The following AP3B1 variants were observed in gnomAD, a reference collection of about 807,000 sequenced individuals.
AP3B1 encodes adaptor related protein complex 3 subunit beta 1.
AP3B1 carries 61 observed loss-of-function variants against 132.5 expected under a neutral mutation model. The ratio of observed to expected loss-of-function variants is 0.46; its 90% CI spans 0.37 to 0.57. The LOEUF (loss-of-function observed/expected upper bound fraction) is 0.57. Among genes scored for constraint, AP3B1 ranks in the 20% least tolerant of loss-of-function variants. The pLI is 0.00. For synonymous variants in AP3B1, 388 were observed against 438.3 expected, an observed-to-expected ratio of 0.89 and a Z score of 1.43; for missense variants, 1,120 against 1,289.4, an observed-to-expected ratio of 0.87 and a Z score of 2.01.
intron 11 of AP3B1, among the ~76,000 whole-genome samples, chr5:78,174,837 T>C (rs957943996): frequency 2.0e-5 from 3 of 152,258 alleles, no homozygotes; most frequent in South Asian, 4.1e-4. Flanking sequence ...GTGGAGTCTA[T>C]AGAGGCAGTA....
At chr5:78,023,652 C>T (rs1747206504) in intron 24 of AP3B1, among the ~76,000 whole-genome samples, 1 of 152,074 alleles carries the variant, frequency 6.6e-6, no homozygotes, top group Non-Finnish European at 1.5e-5. Flanking sequence ...TAAGTAAAAA[C>T]AGAAGAAAAG....
At chr5:78,171,638 G>A (rs929559255) in intron 11 of AP3B1, among the ~76,000 whole-genome samples, 4 of 152,160 alleles carry the variant, frequency 2.6e-5, no homozygotes, top group African/African-American at 9.7e-5. Flanking sequence ...GAGATTTTGG[G>A]CTGAGACGAT....
chr5:78,232,923 T>C (rs1451499011), intron 3 of AP3B1, among the ~76,000 whole-genome samples: 1 of 152,036 alleles, frequency 6.6e-6, no homozygotes, highest in Non-Finnish European at 1.5e-5. Flanking sequence ...GCCAGACTAG[T>C]CATGAACTCC....
chr5:78,281,434 C>CAAA (rs36002317), intron 1 of AP3B1, among the ~76,000 whole-genome samples: 169 of 67,936 alleles, frequency 2.5e-3, no homozygotes, highest in Non-Finnish European at 2.8e-3. Flanking sequence ...AACTCTGCCT[C>CAAA]AAAAAAAAAA....
chr5:78,237,461 T>C (rs1383205137), intron 3 of AP3B1, among the ~76,000 whole-genome samples: 1 of 152,080 alleles, frequency 6.6e-6, no homozygotes, highest in East Asian at 1.9e-4. Flanking sequence ...GCCACTACAG[T>C]TCCCCCCCAA....
chr5:78,056,600 C>T (rs758889056), intron 22 of AP3B1, among the ~76,000 whole-genome samples: 26 of 152,288 alleles, frequency 1.7e-4, no homozygotes, highest in Middle Eastern at 6.8e-3. Flanking sequence ...GTAATCCCTT[C>T]CCCCGCATCT....
rs111273126 is a variant in AP3B1 at position 78,206,675 on chromosome 5, T to A, written c.786+9380A>T. Among the ~76,000 whole-genome samples the A allele has an allele frequency of 2.0e-5, 3 of 152,120 alleles. No homozygotes were observed. The East Asian group carries it at 5.8e-4, about 29-fold the overall frequency. ...GATAAACTATAGAATAAAGGAAATA[T>A]GAAATTCAAACTGAGTAAGTAAACA... On this transcript the variant is annotated intron_variant, in intron 7 of 26. Transcript: ENST00000255194.
chr5:78,238,504 T>C (rs1018200478), intron 3 of AP3B1, among the ~76,000 whole-genome samples: 8 of 151,986 alleles, frequency 5.3e-5, no homozygotes, highest in African/African-American at 1.9e-4. Flanking sequence ...GCCAAAAACG[T>C]TGGGGACTAC....
intron 24 of AP3B1, among the ~76,000 whole-genome samples, chr5:78,022,716 T>C (rs1311717210): frequency 6.6e-6 from 1 of 152,146 alleles, no homozygotes; most frequent in Non-Finnish European, 1.5e-5. Context: ...TTTTAGAAAC[T>C]CCAGTGGCAG....
At chr5:78,197,459 T>C (rs908514336) in intron 7 of AP3B1, among the ~76,000 whole-genome samples, 1 of 152,162 alleles carries the variant, frequency 6.6e-6, no homozygotes, top group African/African-American at 2.4e-5. Flanking sequence ...TTCCACAGGC[T>C]CATGGAATAA....
At chr5:78,067,816 C>G (rs1749354961) in intron 22 of AP3B1, among the ~76,000 whole-genome samples, 1 of 151,996 alleles carries the variant, frequency 6.6e-6, no homozygotes, top group Non-Finnish European at 1.5e-5. Flanking sequence ...AGCTAGAAAG[C>G]TCTCAAATTG....
chr5:78,233,337 G>A (rs933658161), intron 3 of AP3B1, among the ~76,000 whole-genome samples: 3 of 151,630 alleles, frequency 2.0e-5, no homozygotes, highest in African/African-American at 7.3e-5. Context: ...GGGTTCAAGC[G>A]ATTGTCCTGT....
At chr5:78,006,848 T>C (rs1173064596) in intron 26 of AP3B1, among the ~76,000 whole-genome samples, 2 of 152,254 alleles carry the variant, frequency 1.3e-5, no homozygotes, top group African/African-American at 4.8e-5. Context: ...TAAATGTCTT[T>C]GTCTATTATC....
intron 7 of AP3B1, among the ~76,000 whole-genome samples, chr5:78,184,826 A>C (rs1744537770): frequency 6.6e-6 from 1 of 152,250 alleles, no homozygotes; most frequent in South Asian, 2.1e-4. Context: ...AATGACTGCA[A>C]ACTTTTTAAA....
chr5:78,141,846 T>C (rs193121494), intron 14 of AP3B1, among the ~76,000 whole-genome samples: 40 of 152,280 alleles, frequency 2.6e-4, no homozygotes, highest in African/African-American at 7.9e-4. Context: ...AGCTCCAAAA[T>C]AGTATTTCTG....
chr5:78,275,088 C>T (rs1005737187), intron 1 of AP3B1, among the ~76,000 whole-genome samples: 1 of 152,086 alleles, frequency 6.6e-6, no homozygotes, highest in Admixed American at 6.6e-5. Flanking sequence ...AACAAATGGG[C>T]ATGGTTGTGT....
At chr5:78,205,371 TAAA>T (rs924979677) in intron 7 of AP3B1, among the ~76,000 whole-genome samples, 16 of 151,834 alleles carry the variant, frequency 1.1e-4, no homozygotes, top group African/African-American at 3.9e-4. Flanking sequence ...TGTATAAAAA[TAAA>T]AACTAAATCA....
At chr5:78,293,850 AAC>A (rs1481436270) in intron 1 of AP3B1, among the ~76,000 whole-genome samples, 1 of 152,176 alleles carries the variant, frequency 6.6e-6, no homozygotes, top group Non-Finnish European at 1.5e-5. Flanking sequence ...TGTTCACAGT[AAC>A]ACTCTTTTAA....
chr5:78,284,235 T>C (rs368133601), intron 1 of AP3B1, among the ~76,000 whole-genome samples: 59 of 152,352 alleles, frequency 3.9e-4, no homozygotes, highest in African/African-American at 1.4e-3. Flanking sequence ...TGCTACTATA[T>C]TGAACATTAC....
Sources: allele counts gnomAD v4.1 joint callset (sites outside exome capture counted in the v4.1 genomes callset), GRCh38; gene constraint gnomAD v4.1.1; transcripts MANE v1.5; gene names NCBI Gene and HGNC (gene_info 2026-07-23, HGNC 2026-07-21).